Variants in KRABD2 observed in about 807,000 individuals in gnomAD.
KRABD2 encodes KRAB domain-containing protein 2.
the KRABD2 span, chr17:8,376,461 C>A: frequency 2.9e-6 from 3 of 1,024,698 alleles, no homozygotes; most frequent in African/African-American, 5.1e-5. Context: ...GGCACGCCCG[C>A]TTATTCCTGA....
chr17:8,363,825 TCATAC>T, the KRABD2 span, among the ~76,000 whole-genome samples: 50 of 74,200 alleles, frequency 6.7e-4, no homozygotes, highest in Middle Eastern at 6.3e-3. Context: ...CATATATATA[TCATAC>T]ATATATATAT....
chr17:8,371,044 C>T, the KRABD2 span, among the ~76,000 whole-genome samples: 1 of 152,158 alleles, frequency 6.6e-6, no homozygotes, highest in Non-Finnish European at 1.5e-5. Flanking sequence ...TGGCAGGAGC[C>T]TGTAATCCCA....
chr17:8,360,726 G>A, the KRABD2 span, among the ~76,000 whole-genome samples: 1 of 151,998 alleles, frequency 6.6e-6, no homozygotes, highest in Admixed American at 6.6e-5. Context: ...CAAAACAAAT[G>A]GAAGGAAGAA....
the KRABD2 span, among the ~76,000 whole-genome samples, chr17:8,372,480 G>C: frequency 6.6e-6 from 1 of 152,128 alleles, no homozygotes; most frequent in Non-Finnish European, 1.5e-5. This position sits in a 1 kb window ranked among gnomAD's most constrained non-coding sequence, Gnocchi z 4.1. Flanking sequence ...CTCCCAAAGT[G>C]AGGTTTTGCC....
the KRABD2 span, among the ~76,000 whole-genome samples, chr17:8,363,860 TATTTATTTA>T: frequency 3.2e-5 from 2 of 62,428 alleles, no homozygotes; most frequent in Non-Finnish European, 6.1e-5. Flanking sequence ...TATATATATA[TATTTATTTA>T]TTTATTTATT....
the KRABD2 span, among the ~76,000 whole-genome samples, chr17:8,366,357 CCT>C: frequency 1.3e-5 from 2 of 152,128 alleles, no homozygotes; most frequent in East Asian, 3.8e-4. Context: ...TTGCCCTACT[CCT>C]CTCTAGGTAG....
chr17:8,373,133 C>T, the KRABD2 span, among the ~76,000 whole-genome samples: 1 of 104,102 alleles, frequency 9.6e-6, no homozygotes, highest in Non-Finnish European at 2.0e-5. Flanking sequence ...CACGGTCTCC[C>T]TCTCCCTCTC....
the KRABD2 span, chr17:8,372,174 T>A: frequency 3.7e-6 from 2 of 545,668 alleles, no homozygotes; most frequent in Non-Finnish European, 4.7e-6. The surrounding 1 kb of genome is among the most constrained non-coding windows in gnomAD (Gnocchi z 4.1). Flanking sequence ...GGTCCTTCAC[T>A]AAAAGGGCTT....
chr17:8,364,011 G>A, the KRABD2 span, among the ~76,000 whole-genome samples: 2 of 151,708 alleles, frequency 1.3e-5, no homozygotes, highest in Non-Finnish European at 2.9e-5. The surrounding 1 kb of genome is among the most constrained non-coding windows in gnomAD (Gnocchi z 4.4). Flanking sequence ...TGGGATTACA[G>A]GCGCCTGCCA....
At chr17:8,359,967 G>T in the KRABD2 span, 1 of 393,810 alleles carries the variant, frequency 2.5e-6, no homozygotes, top group Non-Finnish European at 5.1e-6. Context: ...GCAAACATCT[G>T]GCCACTGAAT....
the KRABD2 span, chr17:8,375,850 C>T: frequency 8.3e-7 from 1 of 1,202,232 alleles, no homozygotes; most frequent in Non-Finnish European, 1.0e-6. Flanking sequence ...ACGAGTTGGT[C>T]AGAGAAAACT....
chr17:8,369,141 C>T, the KRABD2 span: 2 of 1,611,902 alleles, frequency 1.2e-6, no homozygotes, highest in Non-Finnish European at 1.7e-6. Flanking sequence ...TGTTCACCAG[C>T]AGAGGAGACC....
chr17:8,371,777 G>A, the KRABD2 span: 2 of 1,221,354 alleles, frequency 1.6e-6, no homozygotes, highest in Non-Finnish European at 2.0e-6. Context: ...TAACAGGGGT[G>A]GCAGGATCTG....
the KRABD2 span, among the ~76,000 whole-genome samples, chr17:8,363,844 T>TA: frequency 1.2e-5 from 1 of 84,056 alleles, no homozygotes; most frequent in East Asian, 3.1e-4. Context: ...TATATATATA[T>TA]ATATATATAT....
At chr17:8,363,815 CATATATATATCATACATATATATATAT>C in the KRABD2 span, among the ~76,000 whole-genome samples, 1 of 101,548 alleles carries the variant, frequency 9.8e-6, no homozygotes, top group Admixed American at 1.1e-4. Context: ...ATATATCATA[CATATATATATCATACATATATATATAT>C]ATATATATAT....
the KRABD2 span, chr17:8,369,064 C>G: frequency 3.3e-6 from 5 of 1,525,150 alleles, no homozygotes; most frequent in Non-Finnish European, 4.4e-6. Flanking sequence ...CCTCTGGGGC[C>G]TCTGGCAACA....
At chr17:8,374,128 C>G in the KRABD2 span, among the ~76,000 whole-genome samples, 2 of 152,236 alleles carry the variant, frequency 1.3e-5, no homozygotes, top group South Asian at 4.1e-4. Flanking sequence ...GGGAGGTGTA[C>G]CCAACAGCTC....
the KRABD2 span, among the ~76,000 whole-genome samples, chr17:8,364,781 C>T: frequency 6.6e-6 from 1 of 152,080 alleles, no homozygotes; most frequent in Admixed American, 6.6e-5. This position sits in a 1 kb window ranked among gnomAD's most constrained non-coding sequence, Gnocchi z 4.4. Flanking sequence ...CGTCTGTAAT[C>T]TCAGCACTTT....
chr17:8,367,470 G>T, the KRABD2 span, among the ~76,000 whole-genome samples: 9 of 151,624 alleles, frequency 5.9e-5, no homozygotes, highest in South Asian at 1.7e-3. Flanking sequence ...CTGCACTCCA[G>T]CCTGGGCGAC....
Sources: gnomAD v4.1 joint callset for allele counts (sites outside exome capture counted in the v4.1 genomes callset) on GRCh38, gnomAD v4.1.1 for gene constraint, Gnocchi (gnomAD v3.1) non-coding constraint, MANE v1.5 for transcripts, NCBI Gene and HGNC (gene_info 2026-07-23, HGNC 2026-07-21) for gene names.